Variants in PPFIBP1 observed in about 807,000 individuals in gnomAD.
PPFIBP1 encodes the protein PPFIB scaffold protein 1.
A neutral mutation model predicts 137.8 loss-of-function variants in PPFIBP1; 112 were observed. The observed-to-expected ratio is 0.81, with a 90% CI of 0.70 to 0.95. The LOEUF (loss-of-function observed/expected upper bound fraction) is 0.95, where lower values mean the gene tolerates loss of function less well. Ranked by LOEUF, PPFIBP1 falls within the 40% of genes least tolerant of loss-of-function variation. PPFIBP1 has a pLI of 0.00. For synonymous variants in PPFIBP1, 378 were observed against 417.3 expected (o/e 0.91, Z 1.15); for missense variants, 1,083 against 1,196.6 (o/e 0.91, Z 1.40).
In PPFIBP1 at chr12:27,562,120, G is replaced by T. The variant is rs904366177; in HGVS notation, c.-123-16032G>T. On this transcript the variant is annotated intron_variant, in intron 1 of 29. Coordinates refer to ENST00000228425, the MANE Select transcript of PPFIBP1 (RefSeq NM_003622.4). The stretch of plus-strand genomic sequence containing the variant: ...GCTCTCTTTTTCCCAACTCTGCATT[G>T]TTCTCTCCATAGTATCACTGTCTCT... 5.9e-5 allele frequency among the ~76,000 whole-genome samples: 9 copies of T among 152,130 alleles called. No individual in the cohort carries two copies. In the East Asian group the frequency reaches 1.7e-3, roughly 29 times the overall value.
chr12:27,646,408 C>CT (rs59630572), intron 5 of PPFIBP1: 18,029 of 347,502 alleles, frequency 0.052, 256 homozygotes, highest in Non-Finnish European at 0.066. Context: ...CTGATCTGTT[C>CT]TTTTTTTTTT....
intron 1 of PPFIBP1, among the ~76,000 whole-genome samples, chr12:27,525,169 A>G (rs1465345382): frequency 6.6e-6 from 1 of 152,138 alleles, no homozygotes; most frequent in African/African-American, 2.4e-5. Context: ...ACTCTTAATT[A>G]TAGGGACGTG....
chr12:27,653,671 A>C lies in PPFIBP1; in HGVS notation c.604-1051A>C, dbSNP rs146748359. 8.3e-3 allele frequency among the ~76,000 whole-genome samples: 1,256 copies of C among 152,068 alleles called. 23 individuals are homozygous for C. Among genetic ancestry groups the C allele is most frequent in the African/African-American group, 0.029 (1,196 of 41,432 alleles). On this transcript the variant is annotated intron_variant, in intron 7 of 29. Transcript: ENST00000228425. ...TAGGGATCTTTGTGGCTTGTAGTAA[A>C]ATAAGTCATCTCCCATGCAGGGTAT...
chr12:27,557,817 G>A (rs976429756), intron 1 of PPFIBP1, among the ~76,000 whole-genome samples: 1 of 152,216 alleles, frequency 6.6e-6, no homozygotes, highest in African/African-American at 2.4e-5. Context: ...GAGTGATGCA[G>A]ATGTATTGGG....
intron 24 of PPFIBP1, 31 bp downstream of exon 24, chr12:27,682,734 G>A (rs762274736): frequency 1.2e-6 from 2 of 1,612,642 alleles, no homozygotes; most frequent in Non-Finnish European, 8.5e-7. Flanking sequence ...GTTTGGGGGA[G>A]GAAAACTTTT....
chr12:27,551,215 CA>C lies in PPFIBP1; in HGVS notation c.-124+26851del, dbSNP rs559626422. Among the ~76,000 whole-genome samples, 577 of 152,146 alleles carry C rather than the reference CA, an allele frequency of 3.8e-3. 1 individual carries two copies. The highest frequency in any genetic ancestry group is 6.7e-3 in the Non-Finnish European group (456 of 67,988). ...TTCCAGAAGAGTGTGATCTGATAGA[CA>C]GGTGCTCAGTGCTCCAGGAGCACCT... On this transcript the variant is annotated intron_variant, in intron 1 of 29. Coordinates refer to ENST00000228425, the MANE Select transcript of PPFIBP1 (RefSeq NM_003622.4).
In PPFIBP1 at chr12:27,550,991, A is replaced by ATATAT. The variant is rs375148048; in HGVS notation, c.-124+26627_-124+26628insATATT. 1.3e-3 allele frequency among the ~76,000 whole-genome samples: 181 copies of ATATAT among 136,708 alleles called. 2 individuals are homozygous for ATATAT. The highest frequency in any genetic ancestry group is 4.4e-3 in the African/African-American group (157 of 35,854). 89.7% of individuals were successfully genotyped at this position (136,708 alleles called of 152,430 possible). On this transcript the variant is annotated intron_variant, in intron 1 of 29. Coordinates refer to ENST00000228425, the MANE Select transcript of PPFIBP1 (RefSeq NM_003622.4). ...GGGCACTAATTTTATATATATATAT[A>ATATAT]TTTTTTTTTTTTTAACAAACGTGAA... is the stretch of plus-strand genomic sequence containing the variant.
At chr12:27,680,133 G>A in intron 21 of PPFIBP1, 72 bp downstream of exon 21, 1 of 1,563,742 alleles carries the variant, frequency 6.4e-7, no homozygotes, top group Non-Finnish European at 8.7e-7. Flanking sequence ...TGCAGTATTA[G>A]TACTGTCATT....
At chr12:27,630,133 G>A (rs1592977694) in intron 2 of PPFIBP1, among the ~76,000 whole-genome samples, 2 of 152,078 alleles carry the variant, frequency 1.3e-5, no homozygotes, top group South Asian at 4.2e-4. Context: ...GGTTGTAAAA[G>A]AACAAATGAT....
chr12:27,578,412 A>G (rs1048497570), intron 2 of PPFIBP1, among the ~76,000 whole-genome samples, 173 bp downstream of exon 2: 1 of 152,206 alleles, frequency 6.6e-6, no homozygotes, highest in African/African-American at 2.4e-5. Context: ...TGTAAATTCT[A>G]AGAGTAGTAT....
intron 1 of PPFIBP1, among the ~76,000 whole-genome samples, chr12:27,558,480 A>ACC: frequency 1.8e-5 from 2 of 112,758 alleles, no homozygotes; most frequent in Non-Finnish European, 3.7e-5. Flanking sequence ...ACACACACAC[A>ACC]CACACACACA....
chr12:27,680,061 G>A lies in PPFIBP1; in HGVS notation c.1895G>A (p.Ser632Asn), dbSNP rs1361867675. 1.2e-6 allele frequency: 2 copies of A among 1,613,844 alleles called. No individual in the cohort carries two copies. Among genetic ancestry groups the A allele is most frequent in the South Asian group, 1.1e-5 (1 of 91,046 alleles). Residue 632 changes from serine to asparagine, a missense_variant and splice_region_variant, in exon 21 of 30, where the codon AGT becomes AAT. Coordinates refer to ENST00000228425, the MANE Select transcript of PPFIBP1 (RefSeq NM_003622.4). Reference sequence around the variant, plus strand: ...TCTCGAGACTTGGGACAGTCTAACAGGTAAGAAGAGCCAACTGATAGACTT... The same window carrying A: ...TCTCGAGACTTGGGACAGTCTAACAAGTAAGAAGAGCCAACTGATAGACTT... ...GWSRDLGQSN[S>N]DLDMPFAKWT...
intron 2 of PPFIBP1, among the ~76,000 whole-genome samples, chr12:27,622,234 T>C (rs1456193947): frequency 6.6e-6 from 1 of 152,062 alleles, no homozygotes; most frequent in Non-Finnish European, 1.5e-5. Flanking sequence ...CAGAGTGTGA[T>C]GTAACCTACT....
intron 1 of PPFIBP1, among the ~76,000 whole-genome samples, chr12:27,559,670 G>C (rs780524072): frequency 6.6e-6 from 1 of 152,190 alleles, no homozygotes; most frequent in Non-Finnish European, 1.5e-5. Flanking sequence ...AAAACTCTCT[G>C]TGATTTTACA....
chr12:27,603,090 C>A (rs1404009705), intron 2 of PPFIBP1, among the ~76,000 whole-genome samples: 1 of 152,196 alleles, frequency 6.6e-6, no homozygotes, highest in Non-Finnish European at 1.5e-5. Flanking sequence ...TCATGCAACA[C>A]CAAATACAGG....
Position 27,629,269 on chromosome 12 carries a change from G to A in PPFIBP1, c.-35-4093G>A, listed in dbSNP as rs376946940. ...CAGTTAAAATAAAGAACTTAAATGG[G>A]ATTGACATTGGGATTCTTTATGCCT... On this transcript the variant is annotated intron_variant, in intron 2 of 29. Coordinates refer to ENST00000228425, the MANE Select transcript of PPFIBP1 (RefSeq NM_003622.4). Among the ~76,000 whole-genome samples, 30 of 152,270 alleles carry A rather than the reference G, an allele frequency of 2.0e-4. 1 individual carries two copies. The highest frequency in any genetic ancestry group is 3.4e-3 in the Middle Eastern group (1 of 294).
At chr12:27,689,452 A>G (rs2140528683) in intron 27 of PPFIBP1, among the ~76,000 whole-genome samples, 1 of 152,234 alleles carries the variant, frequency 6.6e-6, no homozygotes, top group South Asian at 2.1e-4. Flanking sequence ...AAAAAAAAGA[A>G]GAAGAAGTAC....
intron 24 of PPFIBP1, 99 bp from the exon 25 acceptor site, chr12:27,687,286 G>A (rs2061261218): frequency 7.0e-7 from 1 of 1,426,376 alleles, no homozygotes; most frequent in South Asian, 1.4e-5. Flanking sequence ...TTGGTTTGAG[G>A]GGCTCTTCTC....
At chr12:27,581,086 A>T (rs2051059241) in intron 2 of PPFIBP1, among the ~76,000 whole-genome samples, 1 of 151,844 alleles carries the variant, frequency 6.6e-6, no homozygotes, top group Non-Finnish European at 1.5e-5. Flanking sequence ...GTGGAGACAG[A>T]GTCTTGTTTT....
Sources: allele counts gnomAD v4.1 joint callset (sites outside exome capture counted in the v4.1 genomes callset), GRCh38; gene constraint gnomAD v4.1.1; transcripts MANE v1.5; gene names NCBI Gene and HGNC (gene_info 2026-07-23, HGNC 2026-07-21).